The following CDKAL1 variants were observed in gnomAD, a reference collection of about 807,000 sequenced individuals.
CDKAL1 encodes the protein CDKAL1 threonylcarbamoyladenosine tRNA methylthiotransferase.
CDKAL1 carries 32 observed loss-of-function variants against 68.2 expected under a neutral mutation model. The observed-to-expected ratio is 0.47, with a 90% CI of 0.35 to 0.63. CDKAL1 has a LOEUF of 0.63. Among genes scored for constraint, CDKAL1 ranks in the 30% least tolerant of loss-of-function variants. CDKAL1 has a pLI of 0.00. For missense variants in CDKAL1, 606 were observed against 696.7 expected, an observed-to-expected ratio of 0.87 and a Z score of 1.47; for synonymous variants, 234 against 244.3, an observed-to-expected ratio of 0.96 and a Z score of 0.39.
chr6:21,058,765 G>A (rs1473724692), intron 11 of CDKAL1, among the ~76,000 whole-genome samples: 2 of 152,228 alleles, frequency 1.3e-5, no homozygotes, highest in Non-Finnish European at 2.9e-5. Flanking sequence ...GAACAGCAAA[G>A]ATGGCTGCCT....
At chr6:20,899,059 A>G (rs1489964983) in intron 9 of CDKAL1, among the ~76,000 whole-genome samples, 1 of 108,314 alleles carries the variant, frequency 9.2e-6, no homozygotes, top group Non-Finnish European at 1.7e-5. Context: ...TTTTCTTCTA[A>G]TTCTTTTTTT....
At chr6:20,832,329 A>T (rs561546725) in intron 8 of CDKAL1, among the ~76,000 whole-genome samples, 2 of 152,182 alleles carry the variant, frequency 1.3e-5, no homozygotes, top group Non-Finnish European at 2.9e-5. Flanking sequence ...TCACTTTTCT[A>T]ATTTTAAGGC....
intron 5 of CDKAL1, among the ~76,000 whole-genome samples, chr6:20,684,426 A>C (rs1770525385): frequency 6.6e-6 from 1 of 152,266 alleles, no homozygotes; most frequent in African/African-American, 2.4e-5. Context: ...TTGGTGTCAG[A>C]GTGAGTCTCT....
At chr6:20,586,721 G>A (rs191757175) in intron 4 of CDKAL1, among the ~76,000 whole-genome samples, 5 of 152,204 alleles carry the variant, frequency 3.3e-5, no homozygotes, top group Non-Finnish European at 7.4e-5. Context: ...CTTCAGATCC[G>A]GCTAGTGCAA....
chr6:20,626,708 A>G lies in CDKAL1; in HGVS notation c.287-22585A>G, dbSNP rs540127906. On this transcript the variant is annotated intron_variant, in intron 4 of 15. Coordinates refer to ENST00000274695, the MANE Select transcript of CDKAL1 (RefSeq NM_017774.3). ...TTAGCTGCTCTGTAATGGCAGGGCT[A>G]TTGTTCTGTAATTTTCTTGGCCTTT... 2.0e-5 allele frequency among the ~76,000 whole-genome samples: 3 copies of G among 152,252 alleles called. No homozygotes were observed. In the East Asian group the frequency reaches 5.8e-4, roughly 29 times the overall value.
chr6:21,076,082 TA>T (rs1318821879), intron 12 of CDKAL1, among the ~76,000 whole-genome samples: 1 of 152,184 alleles, frequency 6.6e-6, no homozygotes, highest in East Asian at 1.9e-4. Context: ...CTGCAGTTTC[TA>T]GAACTTTTAC....
chr6:21,203,346 C>T (rs1298451106), intron 15 of CDKAL1, among the ~76,000 whole-genome samples: 2 of 145,282 alleles, frequency 1.4e-5, no homozygotes, highest in Non-Finnish European at 3.0e-5. Context: ...AAGCAATTCT[C>T]ATGCCTCAGC....
intron 9 of CDKAL1, among the ~76,000 whole-genome samples, chr6:20,948,462 C>T (rs1764365886): frequency 6.6e-6 from 1 of 152,078 alleles, no homozygotes; most frequent in African/African-American, 2.4e-5. Context: ...TTTTCTTTAC[C>T]TTCTAAACTA....
At chr6:20,830,373 G>A (rs1170977473) in intron 8 of CDKAL1, among the ~76,000 whole-genome samples, 2 of 152,166 alleles carry the variant, frequency 1.3e-5, no homozygotes, top group Non-Finnish European at 2.9e-5. Flanking sequence ...TACAATGATT[G>A]TATGAAGTTG....
At chr6:20,924,614 C>G (rs1763102292) in intron 9 of CDKAL1, among the ~76,000 whole-genome samples, 1 of 152,166 alleles carries the variant, frequency 6.6e-6, no homozygotes, top group South Asian at 2.1e-4. Flanking sequence ...AAGTCTAATC[C>G]AGAGCAAAGC....
intron 13 of CDKAL1, among the ~76,000 whole-genome samples, chr6:21,196,761 T>TG (rs1182588793): frequency 3.3e-5 from 5 of 152,118 alleles, no homozygotes; most frequent in Admixed American, 6.5e-5. Flanking sequence ...GGCTTTAATT[T>TG]GGGGGGGTCA....
In CDKAL1 at chr6:21,003,842, C is replaced by T. The variant is rs141995325; in HGVS notation, c.1055+3470C>T. Among the ~76,000 whole-genome samples, 448 of 152,266 alleles carry T rather than the reference C, an allele frequency of 2.9e-3. 3 individuals carry two copies. Among genetic ancestry groups the T allele is most frequent in the African/African-American group, 0.01 (425 of 41,568 alleles). ...TCATGTTGCCCTGATTTGTGCCTAACGCTCATTCATAAAATGATCCTGACT... is the reference window on the plus strand; with the variant it reads ...TCATGTTGCCCTGATTTGTGCCTAATGCTCATTCATAAAATGATCCTGACT... On this transcript the variant is annotated intron_variant, in intron 11 of 15. Coordinates refer to ENST00000274695, the MANE Select transcript of CDKAL1 (RefSeq NM_017774.3).
chr6:21,168,516 T>C (rs979490715), intron 13 of CDKAL1, among the ~76,000 whole-genome samples: 6 of 152,230 alleles, frequency 3.9e-5, no homozygotes, highest in African/African-American at 1.4e-4. Context: ...ATTTCTTTTT[T>C]ATATAATTGC....
chr6:20,879,659 T>C (rs1760714002), intron 9 of CDKAL1, among the ~76,000 whole-genome samples: 1 of 152,214 alleles, frequency 6.6e-6, no homozygotes. Flanking sequence ...TTTCCTGTCC[T>C]TGCTGGATTT....
At chr6:20,896,317 C>T (rs1400680486) in intron 9 of CDKAL1, among the ~76,000 whole-genome samples, 1 of 152,014 alleles carries the variant, frequency 6.6e-6, no homozygotes, top group Non-Finnish European at 1.5e-5. Context: ...CCAAGATGGT[C>T]TCGATCTCTT....
chr6:20,644,637 T>C (rs1768350474), intron 4 of CDKAL1, among the ~76,000 whole-genome samples: 1 of 152,058 alleles, frequency 6.6e-6, no homozygotes, highest in South Asian at 2.1e-4. Flanking sequence ...CCGAGATCTC[T>C]AGCCTGGGCA....
intron 13 of CDKAL1, among the ~76,000 whole-genome samples, chr6:21,145,832 C>T (rs566799968): frequency 6.6e-6 from 1 of 152,256 alleles, no homozygotes; most frequent in East Asian, 1.9e-4. Flanking sequence ...CCCAAGAGTT[C>T]AAGGCTGCAG....
At chr6:20,787,018 A>T (rs999739760) in intron 8 of CDKAL1, among the ~76,000 whole-genome samples, 2 of 152,160 alleles carry the variant, frequency 1.3e-5, no homozygotes, top group Admixed American at 1.3e-4. Flanking sequence ...TATATAAATT[A>T]TATCATTTTT....
intron 13 of CDKAL1, among the ~76,000 whole-genome samples, chr6:21,192,888 C>T (rs1778315903): frequency 6.7e-6 from 1 of 148,336 alleles, no homozygotes; most frequent in African/African-American, 2.5e-5. Flanking sequence ...AATCATAGCT[C>T]ACTGCAACCT....
Sources: allele counts gnomAD v4.1 joint callset (sites outside exome capture counted in the v4.1 genomes callset), GRCh38; gene constraint gnomAD v4.1.1; transcripts MANE v1.5; gene names NCBI Gene and HGNC (gene_info 2026-07-23, HGNC 2026-07-21).